The following COL26A1 variants were observed in gnomAD, a reference collection of about 807,000 sequenced individuals.
COL26A1 encodes the protein collagen type XXVI alpha 1 chain.
In COL26A1, 41 loss-of-function variants were observed where a neutral mutation model predicts 59.3. The observed-to-expected ratio is 0.69, with a 90% CI of 0.54 to 0.90. The LOEUF is 0.90. Among genes scored for constraint, COL26A1 ranks in the 40% least tolerant of loss-of-function variants. COL26A1 has a pLI of 0.00. For synonymous variants in COL26A1, 266 were observed against 256.0 expected, an observed-to-expected ratio of 1.04 and a Z score of -0.37; for missense variants, 612 against 602.3, an observed-to-expected ratio of 1.02 and a Z score of -0.17.
intron 3 of COL26A1, among the ~76,000 whole-genome samples, chr7:101,469,929 G>A (rs987701678): frequency 6.6e-6 from 1 of 152,122 alleles, no homozygotes; most frequent in Non-Finnish European, 1.5e-5. Flanking sequence ...TGCACGTGAA[G>A]TGGCGTCGCT....
intron 3 of COL26A1, among the ~76,000 whole-genome samples, chr7:101,474,200 G>A (rs938571601): frequency 6.6e-6 from 1 of 152,166 alleles, no homozygotes; most frequent in Non-Finnish European, 1.5e-5. Context: ...TTGGATGAAG[G>A]CCACATAGAT....
At chr7:101,524,861 G>C (rs530279717) in intron 3 of COL26A1, among the ~76,000 whole-genome samples, 6 of 152,138 alleles carry the variant, frequency 3.9e-5, no homozygotes, top group South Asian at 2.1e-4. Flanking sequence ...GCTTTGGCCT[G>C]TGGTCCAGCC....
chr7:101,525,416 C>T (rs748426951), intron 3 of COL26A1, among the ~76,000 whole-genome samples: 3 of 150,782 alleles, frequency 2.0e-5, no homozygotes, highest in African/African-American at 4.9e-5. Context: ...CTCCTGAAGT[C>T]GTGATCTGCC....
At chr7:101,463,235 A>AT (rs1352209163) in intron 3 of COL26A1, among the ~76,000 whole-genome samples, 1 of 152,162 alleles carries the variant, frequency 6.6e-6, no homozygotes, top group Non-Finnish European at 1.5e-5. Context: ...AATTCTATGA[A>AT]TTTTGGATGC....
chr7:101,504,442 T>C (rs1462525966), intron 3 of COL26A1, among the ~76,000 whole-genome samples: 1 of 152,108 alleles, frequency 6.6e-6, no homozygotes, highest in African/African-American at 2.4e-5. Context: ...CCCTCTCATG[T>C]TGGGATTAGG....
intron 1 of COL26A1, among the ~76,000 whole-genome samples, chr7:101,394,649 C>T (rs1257638631): frequency 6.9e-6 from 1 of 145,148 alleles, no homozygotes; most frequent in Non-Finnish European, 1.5e-5. Flanking sequence ...TCTTGAACTC[C>T]TGGGCTGAAG....
At chr7:101,384,012 G>A (rs866922924) in intron 1 of COL26A1, among the ~76,000 whole-genome samples, 2 of 151,546 alleles carry the variant, frequency 1.3e-5, no homozygotes, top group Admixed American at 6.6e-5. Flanking sequence ...TTGCAAGTTT[G>A]TTTATTTATT....
At position 101,388,333 on chromosome 7, in the gene COL26A1, G is replaced by T. The variant is rs949568640; in HGVS notation, c.158+25143G>T. 2.9e-4 allele frequency among the ~76,000 whole-genome samples: 44 copies of T among 151,590 alleles called. 1 individual carries two copies. The highest frequency in any genetic ancestry group is 9.7e-4 in the African/African-American group (40 of 41,370). ...ACTAAAAATACAAAAAATTAGCTGGGTGTGCTGGTGGAAGCCTGTAATTCA... is the reference window on the plus strand; with the variant it reads ...ACTAAAAATACAAAAAATTAGCTGGTTGTGCTGGTGGAAGCCTGTAATTCA... On this transcript the variant is annotated intron_variant, in intron 1 of 12. Coordinates refer to ENST00000313669, the MANE Select transcript of COL26A1 (RefSeq NM_001278563.3).
rs1323684523 is a variant in COL26A1, at chr7:101,463,636, T to TTCCA, written c.385+15852_385+15853insATCC. Among the ~76,000 whole-genome samples the TTCCA allele has an allele frequency of 4.1e-3, 208 of 50,484 alleles. 1 individual carries two copies. Among genetic ancestry groups the TTCCA allele is most frequent in the African/African-American group, 0.016 (200 of 12,846 alleles). The allele number at this position is 50,484 out of a possible 152,430, so 33.1% of individuals were successfully genotyped here. A position where few individuals can be genotyped will look rare whatever the true frequency, so the allele number is the denominator to read the frequency against. Reference sequence around the variant, plus strand: ...CTCCCTCCCTCCCCCTCTTCCTTCCTTCCTTCCATCCTTCCATCCTTCCAT... The same window carrying TTCCA: ...CTCCCTCCCTCCCCCTCTTCCTTCCTTCCATCCTTCCATCCTTCCATCCTTCCAT... On this transcript the variant is annotated intron_variant, in intron 3 of 12. Coordinates refer to ENST00000313669, the MANE Select transcript of COL26A1 (RefSeq NM_001278563.3).
At chr7:101,475,662 T>C (rs1794014092) in intron 3 of COL26A1, among the ~76,000 whole-genome samples, 1 of 151,954 alleles carries the variant, frequency 6.6e-6, no homozygotes, top group Non-Finnish European at 1.5e-5. Flanking sequence ...TCCGTGTTGT[T>C]GTGATGTGCA....
In COL26A1 at chr7:101,483,990, AGTGTGTGTGTGTGTGT is replaced by A. The variant is rs55863250; in HGVS notation, c.385+36232_385+36247del. Among the ~76,000 whole-genome samples, 730 of 128,002 alleles carry A rather than the reference AGTGTGTGTGTGTGTGT, an allele frequency of 5.7e-3. 5 individuals are homozygous for A. The highest frequency in any genetic ancestry group is 8.2e-3 in the South Asian group (28 of 3,420). The allele number at this position is 128,002 out of a possible 152,430, so 84.0% of individuals were successfully genotyped here. ...CACCTGGCCCCAGCTAACTTTTTAAAGTGTGTGTGTGTGTGTGTGTGTGTGTGTGTGTGTGTGTGTG... is the reference window on the plus strand; with the variant it reads ...CACCTGGCCCCAGCTAACTTTTTAAAGTGTGTGTGTGTGTGTGTGTGTGTG... On this transcript the variant is annotated intron_variant, in intron 3 of 12. Coordinates refer to ENST00000313669, the MANE Select transcript of COL26A1 (RefSeq NM_001278563.3).
chr7:101,502,635 TCA>T (rs1491050798), intron 3 of COL26A1, among the ~76,000 whole-genome samples: 1 of 141,432 alleles, frequency 7.1e-6, no homozygotes, highest in African/African-American at 3.2e-5. Flanking sequence ...AGCCCCACTG[TCA>T]GGGGGGACCC....
At position 101,489,648 on chromosome 7, in the gene COL26A1, T is replaced by C. The variant is rs1480761855; in HGVS notation, c.385+41861T>C. On this transcript the variant is annotated intron_variant, in intron 3 of 12. Transcript: ENST00000313669. The stretch of plus-strand genomic sequence containing the variant: ...TTCTTTCTTTCTTTCTTTCTTTCTT[T>C]CTTTCTTTCTTTCTTCCTTCCTTCC... Among the ~76,000 whole-genome samples, 26 of 75,156 alleles carry C rather than the reference T, an allele frequency of 3.5e-4. 1 individual carries two copies. The highest frequency in any genetic ancestry group is 1.2e-3 in the South Asian group (3 of 2,402). 49.3% of individuals were successfully genotyped at this position (75,156 alleles called of 152,430 possible).
intron 3 of COL26A1, among the ~76,000 whole-genome samples, chr7:101,522,113 T>G (rs1795152388): frequency 6.6e-6 from 1 of 152,196 alleles, no homozygotes; most frequent in African/African-American, 2.4e-5. Context: ...TTATTCATTT[T>G]GTGAATGAAT....
At chr7:101,553,103 G>C (rs940239984) in intron 10 of COL26A1, 1 of 483,992 alleles carries the variant, frequency 2.1e-6, no homozygotes, top group African/African-American at 2.0e-5. Context: ...GCCAACCCTG[G>C]ACACTTCCCT....
At chr7:101,516,660 C>T (rs1795034497) in intron 3 of COL26A1, among the ~76,000 whole-genome samples, 1 of 152,136 alleles carries the variant, frequency 6.6e-6, no homozygotes, top group Non-Finnish European at 1.5e-5. Context: ...AGTTCAGGGG[C>T]CCAGGAGACG....
At chr7:101,507,510 C>T (rs1432073492) in intron 3 of COL26A1, among the ~76,000 whole-genome samples, 2 of 148,154 alleles carry the variant, frequency 1.3e-5, no homozygotes, top group South Asian at 2.2e-4. Context: ...CAACCTCCAC[C>T]TCCCCGCCTC....
chr7:101,489,807 T>G lies in COL26A1; in HGVS notation c.385+42020T>G, dbSNP rs933402243. ...CTTTCTTTCTTTCTTTCTTTCTTTC[T>G]TTCTTTCTTTCTTTCTTTCTTTCTT... On this transcript the variant is annotated intron_variant, in intron 3 of 12. Transcript: ENST00000313669. Among the ~76,000 whole-genome samples the G allele has an allele frequency of 1.2e-3, 3 of 2,526 alleles. 1 individual carries two copies. The highest frequency in any genetic ancestry group is 2.5e-3 in the Non-Finnish European group (3 of 1,216). 1.7% of individuals were successfully genotyped at this position (2,526 alleles called of 152,430 possible). A position where few individuals can be genotyped will look rare whatever the true frequency, so the allele number is the denominator to read the frequency against.
intron 1 of COL26A1, among the ~76,000 whole-genome samples, chr7:101,404,158 T>C (rs980978870): frequency 3.3e-5 from 5 of 152,106 alleles, no homozygotes; most frequent in African/African-American, 1.2e-4. Context: ...GTGGCAGCCA[T>C]CTTAGAGCCA....
Sources: gnomAD v4.1 joint callset for allele counts (sites outside exome capture counted in the v4.1 genomes callset) on GRCh38, gnomAD v4.1.1 for gene constraint, MANE v1.5 for transcripts, NCBI Gene and HGNC (gene_info 2026-07-23, HGNC 2026-07-21) for gene names.